OSBPL8: variants seen among roughly 807,000 people sequenced by gnomAD.
The protein encoded by OSBPL8 is oxysterol-binding protein-related protein 8.
A neutral mutation model predicts 125.5 loss-of-function variants in OSBPL8; 59 were observed. The observed-to-expected ratio is 0.47, with a 90% confidence interval of 0.38 to 0.58. The LOEUF (loss-of-function observed/expected upper bound fraction) is 0.58. Among genes scored for constraint, OSBPL8 ranks in the 20% least tolerant of loss-of-function variants. The pLI is 0.00. For synonymous variants in OSBPL8, 330 were observed against 338.9 expected (o/e 0.97, Z 0.29); for missense variants, 758 against 1,047.8 (o/e 0.72, Z 3.82).
In OSBPL8 at chr12:76,520,671, C is replaced by T. The variant is rs188093957; in HGVS notation, c.-67-33053G>A. The stretch of plus-strand genomic sequence containing the variant: ...AGGTCACTCCTATATTCTTTATTTC[C>T]ACTAGCACTACACATTGCATAGTAA... On this transcript the variant is annotated intron_variant, in intron 1 of 23. Transcript: ENST00000261183. Among the ~76,000 whole-genome samples the T allele has an allele frequency of 1.6e-3, 242 of 152,154 alleles. 1 individual carries two copies. Among genetic ancestry groups the T allele is most frequent in the Admixed American group, 3.5e-3 (53 of 15,280 alleles).
chr12:76,504,947 C>T (rs948400455), intron 1 of OSBPL8, among the ~76,000 whole-genome samples: 14 of 152,142 alleles, frequency 9.2e-5, no homozygotes, highest in Admixed American at 9.2e-4. Context: ...CTCACCCAGG[C>T]GTGGACTCAG....
At chr12:76,457,193 G>C (rs1166740949) in intron 3 of OSBPL8, among the ~76,000 whole-genome samples, 2 of 152,190 alleles carry the variant, frequency 1.3e-5, no homozygotes, top group Non-Finnish European at 2.9e-5. Flanking sequence ...TGAGCTCATA[G>C]TAATAACAGG....
chr12:76,482,643 T>A (rs1364338478), intron 2 of OSBPL8, among the ~76,000 whole-genome samples: 2 of 152,020 alleles, frequency 1.3e-5, no homozygotes, highest in Non-Finnish European at 2.9e-5. Flanking sequence ...AGAGTGACTA[T>A]CCTTAAGTTG....
At position 76,557,173 on chromosome 12, in the gene OSBPL8, A is replaced by G. The variant is rs1951130194; in HGVS notation, c.-68+2224T>C. 2.0e-5 allele frequency among the ~76,000 whole-genome samples: 3 copies of G among 152,352 alleles called. No individual in the cohort carries two copies. In the South Asian group the frequency reaches 6.2e-4, roughly 32 times the overall value. On this transcript the variant is annotated intron_variant, in intron 1 of 23. Transcript: ENST00000261183. ...TAATATTAGGATAAAAGTTTTCCAA[A>G]TTAATATTAGAAAACTAGATCTATG...
intron 10 of OSBPL8, among the ~76,000 whole-genome samples, chr12:76,391,448 C>T (rs1201481791): frequency 1.3e-5 from 2 of 151,910 alleles, no homozygotes; most frequent in Non-Finnish European, 2.9e-5. Flanking sequence ...GCACCAGGTA[C>T]TTGGGATTAA....
chr12:76,459,105 T>C (rs1384390547), intron 3 of OSBPL8, among the ~76,000 whole-genome samples: 1 of 152,176 alleles, frequency 6.6e-6, no homozygotes, highest in East Asian at 1.9e-4. Context: ...AGTAACCAAT[T>C]CTAACTTCTC....
At chr12:76,440,677 A>G (rs1337267071) in intron 4 of OSBPL8, among the ~76,000 whole-genome samples, 1 of 152,166 alleles carries the variant, frequency 6.6e-6, no homozygotes, top group Non-Finnish European at 1.5e-5. Flanking sequence ...ACAGGCAAAT[A>G]TAGTCTTCCT....
intron 21 of OSBPL8, among the ~76,000 whole-genome samples, chr12:76,368,808 G>C (rs1321076364): frequency 6.6e-6 from 1 of 152,032 alleles, no homozygotes; most frequent in Non-Finnish European, 1.5e-5. Flanking sequence ...GTAGTATTCT[G>C]ACAGGTTAGG....
At position 76,397,830 on chromosome 12, in the gene OSBPL8, T is replaced by C. The variant is rs1476048244; in HGVS notation, c.536A>G (p.Tyr179Cys). 4 of 1,614,140 alleles carry C rather than the reference T, an allele frequency of 2.5e-6. No individual in the cohort carries two copies. The highest frequency in any genetic ancestry group is 3.4e-6 in the Non-Finnish European group (4 of 1,180,004). The change falls in exon 8 of 24, where the codon TAT becomes TGT. Residue 179 changes from tyrosine (Y) to cysteine (C), a missense_variant. By Grantham distance (194) the Tyr-to-Cys change is radical (BLOSUM62 -2). Transcript: ENST00000261183. Reference protein sequence around the residue: ...CVLKPGVLLIYKTQKNGQWVG... With the variant: ...CVLKPGVLLICKTQKNGQWVG... ...CCACTGACCATTTTTTTGGGTTTTA[T>C]AGATCAGTAGCACCCCAGGTTTCAA...
At chr12:76,417,248 GT>G (rs1331186924) in intron 4 of OSBPL8, among the ~76,000 whole-genome samples, 1 of 152,192 alleles carries the variant, frequency 6.6e-6, no homozygotes, top group African/African-American at 2.4e-5. Context: ...AGCTTCTACT[GT>G]TTCAGTGAAG....
chr12:76,537,769 C>A (rs1378436256), intron 1 of OSBPL8, among the ~76,000 whole-genome samples: 1 of 151,960 alleles, frequency 6.6e-6, no homozygotes, highest in Non-Finnish European at 1.5e-5. Flanking sequence ...ATTAGCTGGG[C>A]ATGGTGGTGG....
In OSBPL8 at chr12:76,477,099, C is replaced by A. The variant is rs34709220; in HGVS notation, c.42+10411G>T. Among the ~76,000 whole-genome samples, 4 of 152,086 alleles carry A rather than the reference C, an allele frequency of 2.6e-5. No homozygotes were observed. In the East Asian group the frequency reaches 7.7e-4, roughly 29 times the overall value. ...AATTCTTTCTTCTACTCTCCCACCC[C>A]CAAACCTCATCTTCTTGGTTCCTTT... On this transcript the variant is annotated intron_variant, in intron 2 of 23. Coordinates refer to ENST00000261183, the MANE Select transcript of OSBPL8 (RefSeq NM_020841.5).
chr12:76,379,750 T>C (rs1555209611), intron 15 of OSBPL8, among the ~76,000 whole-genome samples: 1 of 152,248 alleles, frequency 6.6e-6, no homozygotes, highest in Non-Finnish European at 1.5e-5. Flanking sequence ...ATTTCCTTAC[T>C]AGTTGATGGT....
At chr12:76,387,612 T>C (rs192825697) in intron 12 of OSBPL8, among the ~76,000 whole-genome samples, 26 of 152,300 alleles carry the variant, frequency 1.7e-4, no homozygotes, top group African/African-American at 6.3e-4. Context: ...CTGTTTGTAA[T>C]GTAGCTACTA....
intron 1 of OSBPL8, among the ~76,000 whole-genome samples, chr12:76,511,677 C>G (rs1035439401): frequency 1.7e-4 from 26 of 152,312 alleles, no homozygotes; most frequent in African/African-American, 5.8e-4. Context: ...TACAGGTTGT[C>G]TGTTTACTCT....
At chr12:76,556,416 G>C (rs1951100940) in intron 1 of OSBPL8, among the ~76,000 whole-genome samples, 1 of 151,906 alleles carries the variant, frequency 6.6e-6, no homozygotes, top group African/African-American at 2.4e-5. Flanking sequence ...TTCCACATGA[G>C]AATTTTATGA....
At chr12:76,539,179 T>C (rs1328915288) in intron 1 of OSBPL8, among the ~76,000 whole-genome samples, 1 of 152,068 alleles carries the variant, frequency 6.6e-6, no homozygotes, top group East Asian at 1.9e-4. Context: ...AGATATCAAC[T>C]TTTTTAAAAG....
intron 4 of OSBPL8, among the ~76,000 whole-genome samples, chr12:76,434,466 CCAAAAGCCAAGGCAA>C (rs1871216531): frequency 6.6e-6 from 1 of 152,052 alleles, no homozygotes; most frequent in Admixed American, 6.6e-5. Context: ...GGATATGACA[CCAAAAGCCAAGGCAA>C]CAAAAGCAAA....
chr12:76,397,697 C>T lies in OSBPL8; in HGVS notation c.669G>A (p.Val223=). The T allele has an allele frequency of 6.2e-7, 1 of 1,613,664 alleles. No homozygotes were observed. The highest frequency in any genetic ancestry group is 1.1e-5 in the South Asian group (1 of 91,028). Residue 223 remains valine (V), a synonymous_variant, in exon 8 of 24, where the codon GTG becomes GTA. Transcript: ENST00000261183. ...FHPLEQSIWA[V]KGPKGEAVGS... ...TATGTAACAAGGGCTTACATACCTTCACTGCCCAAATAGATTGCTCCAAAG... is the reference window on the plus strand; with the variant it reads ...TATGTAACAAGGGCTTACATACCTTTACTGCCCAAATAGATTGCTCCAAAG...
Sources: gnomAD v4.1 joint callset for allele counts (sites outside exome capture counted in the v4.1 genomes callset) on GRCh38, gnomAD v4.1.1 for gene constraint, MANE v1.5 for transcripts, NCBI Gene and HGNC (gene_info 2026-07-23, HGNC 2026-07-21) for gene names.